The following DOCK1 variants were observed in gnomAD, a reference collection of about 807,000 sequenced individuals.
DOCK1 encodes the protein dedicator of cytokinesis 1.
DOCK1 carries 138 observed loss-of-function variants against 262.7 expected under a neutral mutation model. The ratio of observed to expected loss-of-function variants is 0.53; its 90% CI spans 0.46 to 0.61. The LOEUF is 0.61. DOCK1 is among the 20% of genes least tolerant of loss of function. The pLI is 0.00. For missense variants in DOCK1, 1,908 were observed against 2,370.7 expected (o/e 0.80, Z 4.05); for synonymous variants, 866 against 867.4 (o/e 1.00, Z 0.03).
chr10:127,450,838 G>A (rs892813321), intron 51 of DOCK1, among the ~76,000 whole-genome samples: 6 of 152,044 alleles, frequency 3.9e-5, no homozygotes, highest in East Asian at 1.9e-4. Flanking sequence ...ACCGCTTTTC[G>A]GCCACACCAG....
At chr10:127,087,234 T>C (rs1394228786) in intron 23 of DOCK1, among the ~76,000 whole-genome samples, 3 of 152,190 alleles carry the variant, frequency 2.0e-5, no homozygotes, top group Non-Finnish European at 4.4e-5. Flanking sequence ...GGCAAAGTAA[T>C]GTGAGTTTTC....
chr10:127,442,896 C>T (rs912301950), intron 49 of DOCK1, among the ~76,000 whole-genome samples: 1 of 152,242 alleles, frequency 6.6e-6, no homozygotes, highest in African/African-American at 2.4e-5. Flanking sequence ...ATTCAGGTCA[C>T]CTGCGATGTG....
chr10:126,996,967 T>C, intron 7 of DOCK1, 84 bp downstream of exon 7: 1 of 1,416,936 alleles, frequency 7.1e-7, no homozygotes, highest in Non-Finnish European at 9.3e-7. Flanking sequence ...AAGCCCAAAA[T>C]TGTCACTAAG....
chr10:127,034,740 C>T (rs987408380), intron 18 of DOCK1, among the ~76,000 whole-genome samples: 97 of 152,136 alleles, frequency 6.4e-4, no homozygotes, highest in Non-Finnish European at 2.8e-4. Context: ...GGTCATGTTC[C>T]GAAAGCATGC....
In DOCK1 at chr10:127,024,690, G is replaced by A. The variant is rs1014321521; in HGVS notation, c.1458G>A (p.Val486=). The A allele has an allele frequency of 1.2e-6, 2 of 1,609,630 alleles. No individual in the cohort carries two copies. The highest frequency in any genetic ancestry group is 4.5e-5 in the East Asian group (2 of 44,840). The change falls in exon 15 of 52, where the codon GTG becomes GTA. Residue 486 remains valine (V), a synonymous_variant. Coordinates refer to ENST00000623213, the MANE Select transcript of DOCK1 (RefSeq NM_001290223.2). ...CTTTATGTCTTCTTTTAAAGCATGT[G>A]ATTTTCCCGGGTGCTGGTGATGAAG... is the stretch of plus-strand genomic sequence containing the variant. ...YDEDGKRLEH[V]IFPGAGDEAI...
chr10:127,353,409 C>T (rs111938017), intron 31 of DOCK1, among the ~76,000 whole-genome samples: 4 of 152,280 alleles, frequency 2.6e-5, no homozygotes, highest in African/African-American at 9.6e-5. Flanking sequence ...AATTGGGGGG[C>T]GTGAGTTATG....
At chr10:126,988,750 A>G (rs2039585653) in intron 5 of DOCK1, among the ~76,000 whole-genome samples, 1 of 152,224 alleles carries the variant, frequency 6.6e-6, no homozygotes, top group Admixed American at 6.5e-5. Context: ...GATTTGTGCA[A>G]AGAAAGCTAA....
At chr10:127,220,977 A>T (rs1032521220) in intron 27 of DOCK1, among the ~76,000 whole-genome samples, 14 of 152,210 alleles carry the variant, frequency 9.2e-5, no homozygotes, top group Admixed American at 3.3e-4. Context: ...TTATGGGGAT[A>T]ACTGTGCACT....
At chr10:127,196,842 C>T (rs959940632) in intron 27 of DOCK1, among the ~76,000 whole-genome samples, 11 of 151,852 alleles carry the variant, frequency 7.2e-5, no homozygotes, top group Admixed American at 7.2e-4. Context: ...CTGCATGGCC[C>T]GGGAACTTGT....
At chr10:127,227,459 G>C (rs888918146) in intron 27 of DOCK1, among the ~76,000 whole-genome samples, 16 of 152,276 alleles carry the variant, frequency 1.1e-4, no homozygotes, top group African/African-American at 3.9e-4. Flanking sequence ...AAGCAGGCAC[G>C]AAAGGCATAT....
chr10:127,008,598 A>C (rs2041202195), intron 10 of DOCK1, 134 bp from the exon 11 acceptor site: 2 of 768,508 alleles, frequency 2.6e-6, no homozygotes, highest in South Asian at 3.2e-5. Flanking sequence ...GCATGGAAAT[A>C]ATTTAGACTT....
At chr10:126,986,932 G>A (rs1181970266) in intron 4 of DOCK1, among the ~76,000 whole-genome samples, 1 of 152,106 alleles carries the variant, frequency 6.6e-6, no homozygotes, top group Non-Finnish European at 1.5e-5. Flanking sequence ...TAAGTCAAAG[G>A]TTAAACTTTT....
chr10:127,363,750 A>G lies in DOCK1; in HGVS notation c.3432+1538A>G, dbSNP rs2064729242. ...ATATCACATGAAGGCGGTATCCACG[A>G]AGAATGATTTTGCTGTTTCCTAGAA... On this transcript the variant is annotated intron_variant, in intron 33 of 51. Transcript: ENST00000623213. Among the ~76,000 whole-genome samples, 3 of 152,304 alleles carry G rather than the reference A, an allele frequency of 2.0e-5. No individual in the cohort carries two copies. The South Asian group carries it at 6.2e-4, about 32-fold the overall frequency.
intron 23 of DOCK1, 23 bp from the exon 24 acceptor site, chr10:127,106,208 C>A: frequency 2.5e-6 from 4 of 1,570,578 alleles, no homozygotes; most frequent in Non-Finnish European, 2.6e-6. Context: ...TGCTGCTCAG[C>A]CTTCTTGTTT....
intron 31 of DOCK1, 133 bp downstream of exon 31, chr10:127,343,879 T>A: frequency 1.4e-6 from 1 of 738,300 alleles, no homozygotes. Flanking sequence ...TGGTTTTAAA[T>A]CACCAATCAG....
At chr10:127,046,592 A>T (rs1358585962) in intron 21 of DOCK1, among the ~76,000 whole-genome samples, 1 of 151,784 alleles carries the variant, frequency 6.6e-6, no homozygotes, top group Non-Finnish European at 1.5e-5. Context: ...CATCCCTACT[A>T]AAAAATAAAA....
At chr10:127,381,196 A>G (rs1308268453) in intron 36 of DOCK1, 82 bp from the exon 37 acceptor site, 15 of 1,201,378 alleles carry the variant, frequency 1.2e-5, no homozygotes, top group East Asian at 2.5e-5. Context: ...TTTACTGTTG[A>G]ACATAGAATT....
At chr10:127,168,089 G>A (rs1282585818) in intron 27 of DOCK1, among the ~76,000 whole-genome samples, 2 of 152,168 alleles carry the variant, frequency 1.3e-5, no homozygotes, top group Non-Finnish European at 2.9e-5. Flanking sequence ...AGGTCCAGAG[G>A]GGTTAATAAG....
intron 29 of DOCK1, among the ~76,000 whole-genome samples, chr10:127,330,864 G>A (rs578180691): frequency 6.6e-5 from 10 of 152,306 alleles, no homozygotes; most frequent in African/African-American, 1.4e-4. Flanking sequence ...CGTGGGTCCC[G>A]TGTTCAAAAA....
Sources: gnomAD v4.1 joint callset for allele counts (sites outside exome capture counted in the v4.1 genomes callset) on GRCh38, gnomAD v4.1.1 for gene constraint, MANE v1.5 for transcripts, NCBI Gene and HGNC (gene_info 2026-07-23, HGNC 2026-07-21) for gene names.